SAXO5: variants seen among roughly 807,000 people sequenced by gnomAD.
SAXO5 encodes testis expressed 45.
At chr19:7,501,231 C>G in the SAXO5 span, 2 of 1,552,984 alleles carry the variant, frequency 1.3e-6, no homozygotes, top group Non-Finnish European at 1.7e-6. Context: ...CTGGCCCGAG[C>G]TGCCGGCGCG....
chr19:7,501,208 A>C, the SAXO5 span: 2 of 1,543,582 alleles, frequency 1.3e-6, no homozygotes, highest in African/African-American at 1.4e-5. Flanking sequence ...TCCAACGCGC[A>C]CGCCGCCTAC....
At chr19:7,504,385 C>T in the SAXO5 span, 1 of 1,614,154 alleles carries the variant, frequency 6.2e-7, no homozygotes. Context: ...AACAGGCCTA[C>T]AGGCCCCAGG....
the SAXO5 span, chr19:7,508,270 A>G: frequency 5.6e-6 from 9 of 1,614,034 alleles, no homozygotes; most frequent in South Asian, 9.9e-5. Flanking sequence ...CAATACAAGG[A>G]CGAGTTTCCT....
chr19:7,501,160 T>A, the SAXO5 span: 1 of 1,512,436 alleles, frequency 6.6e-7, no homozygotes, highest in African/African-American at 1.4e-5. Context: ...GCCGGCAACC[T>A]GCACCTGCAC....
At chr19:7,501,163 A>G in the SAXO5 span, 32 of 1,513,318 alleles carry the variant, frequency 2.1e-5, no homozygotes, top group Non-Finnish European at 2.8e-5. Context: ...GGCAACCTGC[A>G]CCTGCACGAG....
At chr19:7,502,478 T>C in the SAXO5 span, among the ~76,000 whole-genome samples, 1 of 152,176 alleles carries the variant, frequency 6.6e-6, no homozygotes, top group African/African-American at 2.4e-5. Flanking sequence ...AGGCCAGAGA[T>C]GCTGCCAAGT....
At chr19:7,500,447 G>T in the SAXO5 span, among the ~76,000 whole-genome samples, 2 of 151,078 alleles carry the variant, frequency 1.3e-5, no homozygotes, top group African/African-American at 4.9e-5. Flanking sequence ...GACTACGGGC[G>T]CCCACCACCA....
chr19:7,498,102 G>GAAA, the SAXO5 span, among the ~76,000 whole-genome samples: 1 of 134,430 alleles, frequency 7.4e-6, no homozygotes, highest in African/African-American at 2.7e-5. Context: ...AGTGAGCTGA[G>GAAA]AAAAAAAAAA....
At chr19:7,503,765 A>G in the SAXO5 span, among the ~76,000 whole-genome samples, 2 of 152,000 alleles carry the variant, frequency 1.3e-5, no homozygotes, top group East Asian at 3.9e-4. Flanking sequence ...GATTACAGGC[A>G]TGAGCCACCA....
chr19:7,502,392 G>A, the SAXO5 span, among the ~76,000 whole-genome samples: 1 of 152,274 alleles, frequency 6.6e-6, no homozygotes. Flanking sequence ...TTATAGGCAT[G>A]AGCCACTGAG....
At chr19:7,498,391 T>G in the SAXO5 span, among the ~76,000 whole-genome samples, 1 of 126,296 alleles carries the variant, frequency 7.9e-6, no homozygotes, top group Non-Finnish European at 1.7e-5. Context: ...TTGTATTTTT[T>G]TCTTTTTTTT....
At chr19:7,505,874 C>A in the SAXO5 span, 1 of 1,316,072 alleles carries the variant, frequency 7.6e-7, no homozygotes, top group Non-Finnish European at 1.1e-6. Flanking sequence ...GGGAGCTGTC[C>A]AAGGTCACAC....
chr19:7,501,543 C>T, the SAXO5 span: 17 of 996,982 alleles, frequency 1.7e-5, no homozygotes, highest in Non-Finnish European at 2.2e-5. Context: ...GGGGGGTGGC[C>T]GGGCGCGGTG....
chr19:7,498,397 T>C, the SAXO5 span, among the ~76,000 whole-genome samples: 3 of 91,108 alleles, frequency 3.3e-5, no homozygotes, highest in East Asian at 2.7e-4. Context: ...TTTTTTCTTT[T>C]TTTTTTTTTT....
chr19:7,504,085 T>C, the SAXO5 span: 8 of 1,461,194 alleles, frequency 5.5e-6, no homozygotes, highest in East Asian at 1.6e-4. Context: ...TCTCAATCTC[T>C]CTCTCTCTCC....
chr19:7,504,125 C>T, the SAXO5 span: 3 of 1,612,384 alleles, frequency 1.9e-6, no homozygotes, highest in South Asian at 2.2e-5. Context: ...CCTAAGGGGG[C>T]CCCAACACCC....
At chr19:7,501,432 G>GCTT in the SAXO5 span, 1 of 1,451,374 alleles carries the variant, frequency 6.9e-7, no homozygotes, top group East Asian at 2.7e-5. Flanking sequence ...TGGGCGATTT[G>GCTT]CTTCACATTG....
the SAXO5 span, chr19:7,506,083 C>T: frequency 6.2e-7 from 1 of 1,613,978 alleles, no homozygotes; most frequent in Non-Finnish European, 8.5e-7. Context: ...TGGGCTCGGA[C>T]TACTGCCCTT....
the SAXO5 span, chr19:7,508,212 T>A: frequency 0.35 from 557,675 of 1,612,490 alleles, 98,338 homozygotes; most frequent in Non-Finnish European, 0.36. Context: ...ACAGTGCAAG[T>A]ACAGCCACAT....
Sources: gnomAD v4.1 joint callset for allele counts (sites outside exome capture counted in the v4.1 genomes callset) on GRCh38, gnomAD v4.1.1 for gene constraint, MANE v1.5 for transcripts, NCBI Gene and HGNC (gene_info 2026-07-23, HGNC 2026-07-21) for gene names.